The following CFAP54 variants were observed in gnomAD, a reference collection of about 807,000 sequenced individuals.
CFAP54 encodes cilia- and flagella-associated protein 54.
Under a neutral mutation model 370.4 loss-of-function variants are expected in CFAP54, and 290 were observed. The observed-to-expected ratio is 0.78, with a 90% CI of 0.71 to 0.86. The LOEUF is 0.86. Among genes scored for constraint, CFAP54 ranks in the 40% least tolerant of loss-of-function variants. The pLI is 0.00. For missense variants in CFAP54, 3,399 were observed against 3,528.7 expected, an observed-to-expected ratio of 0.96 and a Z score of 0.93; for synonymous variants, 1,206 against 1,236.5, an observed-to-expected ratio of 0.98 and a Z score of 0.52.
At chr12:96,698,779 C>T (rs1957461407) in intron 45 of CFAP54, among the ~76,000 whole-genome samples, 1 of 151,938 alleles carries the variant, frequency 6.6e-6, no homozygotes, top group South Asian at 2.1e-4. Context: ...AGGTTCTTGG[C>T]GTTTTGAACA....
chr12:96,764,731 C>T (rs1310570361), intron 59 of CFAP54, among the ~76,000 whole-genome samples: 1 of 152,196 alleles, frequency 6.6e-6, no homozygotes, highest in Non-Finnish European at 1.5e-5. Flanking sequence ...TCTCTATTAG[C>T]CAGACTTAGT....
chr12:96,489,859 G>C lies in CFAP54; in HGVS notation c.250G>C (p.Gly84Arg), dbSNP rs1372417212. 1 of 1,535,970 alleles carries C rather than the reference G, an allele frequency of 6.5e-7. No individual in the cohort carries two copies. The highest frequency in any genetic ancestry group is 1.4e-5 in the African/African-American group (1 of 73,016). The change falls in exon 1 of 68, where the codon GGC becomes CGC. Residue 84 changes from glycine (G) to arginine (R), a missense_variant. Gly to Arg is a moderately radical substitution (Grantham distance 125). This residue lies in a region of CFAP54 where 559 missense variants were observed against 576.7 expected (regional missense o/e 0.97). Transcript: ENST00000524981. ...SCEKEIQELL[G>R]FMRKKKALAT... ...TGAGAAGGAGATCCAGGAGTTGTTAGGCTTTATGAGGAAAAAGAAGGCTTT... is the reference window on the plus strand; with the variant it reads ...TGAGAAGGAGATCCAGGAGTTGTTACGCTTTATGAGGAAAAAGAAGGCTTT...
At chr12:96,693,686 T>C (rs1177415068) in intron 44 of CFAP54, 36 bp from the exon 45 acceptor site, 1 of 1,319,432 alleles carries the variant, frequency 7.6e-7, no homozygotes, top group African/African-American at 1.5e-5. Context: ...TTTGATAAAA[T>C]ATATTTTGAA....
intron 66 of CFAP54, among the ~76,000 whole-genome samples, chr12:96,839,688 C>A (rs1959199671): frequency 2.6e-5 from 4 of 152,186 alleles, no homozygotes; most frequent in Admixed American, 2.0e-4. Flanking sequence ...TCCAAGATAC[C>A]TGGGACATGA....
At chr12:96,789,111 A>G (rs1958657734) in intron 62 of CFAP54, among the ~76,000 whole-genome samples, 1 of 152,220 alleles carries the variant, frequency 6.6e-6, no homozygotes, top group Non-Finnish European at 1.5e-5. Flanking sequence ...ATCTGGCCTC[A>G]TATTATTGGG....
At position 96,512,992 on chromosome 12, in the gene CFAP54, T is replaced by A. The variant is rs537365913; in HGVS notation, c.746T>A (p.Ile249Asn). Residue 249 changes from isoleucine (I) to asparagine (N), a missense_variant, in exon 5 of 68, where the codon ATT becomes AAT. This residue lies in a region of CFAP54 where 559 missense variants were observed against 576.7 expected (regional missense o/e 0.97). Transcript: ENST00000524981. ...HLCWIIFNGT[I>N]YIYTICRKLM... is the part of the protein sequence containing the mutation. Reference sequence around the variant, plus strand: ...AATCGTTTTCTCCATCCAGGTACCATTTATATTTACACCATTTGCAGAAAA... The same window carrying A: ...AATCGTTTTCTCCATCCAGGTACCAATTATATTTACACCATTTGCAGAAAA... The A allele has an allele frequency of 1.3e-6, 2 of 1,516,366 alleles. No individual in the cohort carries two copies. The highest frequency in any genetic ancestry group is 1.8e-6 in the Non-Finnish European group (2 of 1,135,396). The allele number at this position is 1,516,366 out of a possible 1,614,324, so 93.9% of individuals were successfully genotyped here.
chr12:96,648,299 A>G (rs1258055439), intron 34 of CFAP54, among the ~76,000 whole-genome samples: 4 of 152,192 alleles, frequency 2.6e-5, no homozygotes, highest in Non-Finnish European at 5.9e-5. Flanking sequence ...TTTAAATTTA[A>G]TATTCATAGC....
chr12:96,865,009 G>A (rs1362020485), intron 67 of CFAP54, among the ~76,000 whole-genome samples: 1 of 152,024 alleles, frequency 6.6e-6, no homozygotes, highest in Admixed American at 6.6e-5. Context: ...CCCCTAATGG[G>A]GTTAGGGGAG....
chr12:96,738,017 G>T (rs1194430950), intron 50 of CFAP54, among the ~76,000 whole-genome samples: 3 of 152,162 alleles, frequency 2.0e-5, no homozygotes, highest in Non-Finnish European at 4.4e-5. Context: ...CACTGTGGCT[G>T]CTGTGTGGAG....
intron 15 of CFAP54, among the ~76,000 whole-genome samples, chr12:96,549,534 T>C (rs1034281194): frequency 6.6e-6 from 1 of 152,196 alleles, no homozygotes; most frequent in African/African-American, 2.4e-5. Context: ...TCTGCTCAGC[T>C]GTACTGGGCA....
chr12:96,533,979 A>T lies in CFAP54; in HGVS notation c.1539+6A>T, dbSNP rs538812437. The T allele has an allele frequency of 1.3e-6, 2 of 1,503,094 alleles. No homozygotes were observed. The highest frequency in any genetic ancestry group is 2.6e-5 in the South Asian group (2 of 77,800). The allele number at this position is 1,503,094 out of a possible 1,614,324, so 93.1% of individuals were successfully genotyped here. On this transcript the variant is annotated splice_donor_region_variant and intron_variant, in intron 10 of 67. Coordinates refer to ENST00000524981, the MANE Select transcript of CFAP54 (RefSeq NM_001306084.2). ...ATCTTATTTATTTTCTCCAGGTAAT[A>T]TATGCAAAATTATCCTCCTGGTTTT...
At chr12:96,542,977 C>T (rs1026709250) in intron 14 of CFAP54, among the ~76,000 whole-genome samples, 1 of 152,172 alleles carries the variant, frequency 6.6e-6, no homozygotes, top group Non-Finnish European at 1.5e-5. Context: ...GGCCATTTCC[C>T]TCCATGTGAT....
intron 48 of CFAP54, among the ~76,000 whole-genome samples, chr12:96,712,745 A>T (rs1266552266): frequency 2.0e-5 from 3 of 152,152 alleles, no homozygotes; most frequent in Admixed American, 2.0e-4. Flanking sequence ...TTCTTTTCTT[A>T]GCTCTCACAT....
intron 43 of CFAP54, 93 bp downstream of exon 43, chr12:96,689,075 T>A: frequency 1.5e-6 from 1 of 670,252 alleles, no homozygotes; most frequent in Non-Finnish European, 2.4e-6. Context: ...AACTCACAGG[T>A]AGCAAAATAA....
intron 60 of CFAP54, among the ~76,000 whole-genome samples, chr12:96,773,247 A>G (rs1186276228): frequency 7.9e-6 from 1 of 126,226 alleles, no homozygotes; most frequent in Non-Finnish European, 1.7e-5. Flanking sequence ...CTATAAAGGA[A>G]ACTTGTAGAT....
intron 40 of CFAP54, 54 bp downstream of exon 40, chr12:96,679,806 T>C: frequency 6.4e-7 from 1 of 1,555,278 alleles, no homozygotes; most frequent in Non-Finnish European, 8.8e-7. Context: ...GTGACCACCC[T>C]GCAGATGTCC....
chr12:96,759,248 G>T (rs970592707), intron 58 of CFAP54, among the ~76,000 whole-genome samples: 1 of 149,940 alleles, frequency 6.7e-6, no homozygotes, highest in Non-Finnish European at 1.5e-5. Flanking sequence ...ACTAGAAAAA[G>T]TTACTTTGTG....
Position 96,792,377 on chromosome 12 carries a change from T to A in CFAP54, c.8728T>A (p.Ser2910Thr). 1.3e-6 allele frequency: 2 copies of A among 1,535,840 alleles called. No individual in the cohort carries two copies. Among genetic ancestry groups the A allele is most frequent in the Non-Finnish European group, 1.7e-6 (2 of 1,146,716 alleles). ...ATCCATTTTATCTTTTAAGCCTGTT[T>A]CAGGCTCATCTTGTGTGGACATAAC... is the stretch of plus-strand genomic sequence containing the variant. ...VQSILSFKPVSGSSCVDITPI... is the reference protein window; with the variant it reads ...VQSILSFKPVTGSSCVDITPI... The change falls in exon 63 of 68, where the codon TCA (serine) becomes ACA (threonine). Residue 2910 changes from serine to threonine, a missense_variant. Physicochemically the swap from Ser to Thr is moderately conservative, Grantham distance 58. This residue lies in a region of CFAP54 where 2,796 missense variants were observed against 2,869.7 expected (regional missense o/e 0.97). Coordinates refer to ENST00000524981, the MANE Select transcript of CFAP54 (RefSeq NM_001306084.2).
intron 32 of CFAP54, among the ~76,000 whole-genome samples, chr12:96,636,912 A>G (rs1441967533): frequency 6.6e-6 from 1 of 152,164 alleles, no homozygotes; most frequent in African/African-American, 2.4e-5. Context: ...AATAAGTCAC[A>G]TGCCAACAAT....
Sources: allele counts gnomAD v4.1 joint callset (sites outside exome capture counted in the v4.1 genomes callset), GRCh38; gene constraint gnomAD v4.1.1; regional missense constraint gnomAD v4.1.1; transcripts MANE v1.5; gene names NCBI Gene and HGNC (gene_info 2026-07-23, HGNC 2026-07-21).